Variants in PRKD3 observed in about 807,000 individuals in gnomAD.
PRKD3 encodes serine/threonine-protein kinase D3.
PRKD3 carries 47 observed loss-of-function variants against 99.2 expected under a neutral mutation model. The ratio of observed to expected loss-of-function variants is 0.47; its 90% CI spans 0.38 to 0.60. PRKD3 has a LOEUF of 0.60. PRKD3 is among the 20% of genes least tolerant of loss of function. The pLI is 0.00. For missense variants in PRKD3, 1,019 were observed against 1,088.4 expected (o/e 0.94, Z 0.90); for synonymous variants, 392 against 355.4 (o/e 1.10, Z -1.16).
chr2:37,319,124 T>G (rs999265298), intron 1 of PRKD3, among the ~76,000 whole-genome samples: 2 of 152,148 alleles, frequency 1.3e-5, no homozygotes, highest in African/African-American at 4.8e-5. Context: ...CAGCAACTCA[T>G]TATATGGTTG....
rs556793720 is a variant in PRKD3, at chr2:37,274,782, T to C, written c.1375-85A>G. ...ACACTAAAGAACCAGAGATATGCAT[T>C]TCAATGAATGCCATTAAGACGGACA... On this transcript the variant is annotated intron_variant, in intron 10 of 18. Transcript: ENST00000234179. 2.7e-5 allele frequency: 35 copies of C among 1,274,872 alleles called. No individual in the cohort carries two copies. The East Asian group carries it at 8.0e-4, about 29-fold the overall frequency. The allele number at this position is 1,274,872 out of a possible 1,614,324, so 79.0% of individuals were successfully genotyped here.
chr2:37,252,739 C>T lies in PRKD3; in HGVS notation c.*438G>A, dbSNP rs751222064. The T allele has an allele frequency of 1.3e-5, 2 of 151,456 alleles. No individual in the cohort carries two copies. Among genetic ancestry groups the T allele is most frequent in the South Asian group, 2.1e-4 (1 of 4,824 alleles). The allele number at this position is 151,456 out of a possible 1,614,324, so 9.4% of individuals were successfully genotyped here. A position where few individuals can be genotyped will look rare whatever the true frequency, so the allele number is the denominator to read the frequency against. ...AGTTACCTCTTAAATACAAGCCTGT[C>T]GAGTAATCAATCTTGTAAGTCTTGT... On this transcript the variant is annotated 3_prime_UTR_variant, in exon 19 of 19. Transcript: ENST00000234179.
intron 1 of PRKD3, among the ~76,000 whole-genome samples, chr2:37,322,480 A>G (rs746198311): frequency 2.0e-5 from 3 of 152,228 alleles, no homozygotes. Flanking sequence ...AGAGCACACC[A>G]TATCTGCTCT....
rs1024141161 is a variant in PRKD3, at chr2:37,251,567, T to G, written c.*1610A>C. Reference sequence around the variant, plus strand: ...TTTTTAGTCTAGACAGGAGACTAGCTTCAGGGATGTCGAAAGGCCTTCTCA... The same window carrying G: ...TTTTTAGTCTAGACAGGAGACTAGCGTCAGGGATGTCGAAAGGCCTTCTCA... On this transcript the variant is annotated 3_prime_UTR_variant, in exon 19 of 19. Transcript: ENST00000234179. 1.3e-5 allele frequency: 2 copies of G among 152,472 alleles called. No individual in the cohort carries two copies. The highest frequency in any genetic ancestry group is 6.6e-5 in the Admixed American group (1 of 15,264). The allele number at this position is 152,472 out of a possible 1,614,324, so 9.4% of individuals were successfully genotyped here.
At chr2:37,271,337 C>A (rs530976693) in intron 12 of PRKD3, among the ~76,000 whole-genome samples, 2 of 152,156 alleles carry the variant, frequency 1.3e-5, no homozygotes, top group East Asian at 3.9e-4. Flanking sequence ...AATGACTGGA[C>A]AAATCAAAAT....
At chr2:37,275,050 A>T (rs766185231) in intron 10 of PRKD3, among the ~76,000 whole-genome samples, 1 of 152,206 alleles carries the variant, frequency 6.6e-6, no homozygotes, top group East Asian at 1.9e-4. Context: ...TCTACAAGAT[A>T]TAGCCCCAAA....
At chr2:37,292,942 AG>A (rs1252729870) in intron 3 of PRKD3, 190 bp downstream of exon 3, 1 of 522,010 alleles carries the variant, frequency 1.9e-6, no homozygotes, top group Non-Finnish European at 3.1e-6. Flanking sequence ...CACCGTTGCC[AG>A]GTATTTTTCT....
At chr2:37,300,240 A>G (rs1190039199) in intron 2 of PRKD3, among the ~76,000 whole-genome samples, 2 of 152,326 alleles carry the variant, frequency 1.3e-5, no homozygotes, top group East Asian at 1.9e-4. Flanking sequence ...GAAGTAGAGA[A>G]TAACATTTCA....
rs149045492 is a variant in PRKD3, at chr2:37,305,180, T to C, written c.288+11057A>G. ...ATACAGCTGGGGTGTTCAGTGTACT[T>C]TGGCATAACCTGAAAATTATACCCA... On this transcript the variant is annotated intron_variant, in intron 2 of 18. Transcript: ENST00000234179. Among the ~76,000 whole-genome samples, 68 of 152,296 alleles carry C rather than the reference T, an allele frequency of 4.5e-4. No individual in the cohort carries two copies. The South Asian group carries it at 8.3e-3, about 19-fold the overall frequency.
At position 37,323,599 on chromosome 2, in the gene PRKD3, T is replaced by C. The variant is rs539050253; in HGVS notation, c.-656+1082A>G. ...CTAGATCTCAGTCGGGGGAACTTTA[T>C]GGACGCCTTCTGCAGCAAAGCTAAG... On this transcript the variant is annotated intron_variant, in intron 1 of 18. Transcript: ENST00000234179. Among the ~76,000 whole-genome samples, 29 of 152,224 alleles carry C rather than the reference T, an allele frequency of 1.9e-4. 1 individual carries two copies. The South Asian group carries it at 5.8e-3, about 30-fold the overall frequency.
chr2:37,319,672 A>C (rs971864905), intron 1 of PRKD3, among the ~76,000 whole-genome samples: 3 of 151,952 alleles, frequency 2.0e-5, no homozygotes, highest in African/African-American at 7.2e-5. Flanking sequence ...ACACATCAGC[A>C]TCCGTCTGTA....
chr2:37,324,121 T>A (rs1313420718), intron 1 of PRKD3: 4 of 956,714 alleles, frequency 4.2e-6, no homozygotes, highest in Non-Finnish European at 5.0e-6. Flanking sequence ...CTCGGAACAA[T>A]GCTGCAACTA....
chr2:37,323,644 A>G (rs962049726), intron 1 of PRKD3, among the ~76,000 whole-genome samples: 5 of 152,156 alleles, frequency 3.3e-5, no homozygotes, highest in Non-Finnish European at 5.9e-5. Context: ...AATCGCTAAA[A>G]ATGTAAGAAC....
In PRKD3 at chr2:37,274,674, G is replaced by C; in HGVS notation, c.1398C>G (p.Leu466=). The C allele has an allele frequency of 6.2e-7, 1 of 1,613,454 alleles. No homozygotes were observed. The highest frequency in any genetic ancestry group is 8.5e-7 in the Non-Finnish European group (1 of 1,179,566). ...TGAAATCTCGTGGTGAAGATATGCG[G>C]AGAATTTCTGAAAGTGGAATTTCCT... is the stretch of plus-strand genomic sequence containing the variant. ...YYKEIPLSEI[L]RISSPRDFTN... The change falls in exon 11 of 19, where the codon CTC becomes CTG. Residue 466 remains leucine (L), a synonymous_variant. Coordinates refer to ENST00000234179, the MANE Select transcript of PRKD3 (RefSeq NM_005813.6).
chr2:37,302,902 T>C (rs1448147114), intron 2 of PRKD3, among the ~76,000 whole-genome samples: 1 of 152,148 alleles, frequency 6.6e-6, no homozygotes, highest in East Asian at 1.9e-4. Flanking sequence ...ATGAAAAGCC[T>C]GAAACCCATT....
At chr2:37,290,506 T>C (rs1259534632) in intron 4 of PRKD3, among the ~76,000 whole-genome samples, 2 of 152,178 alleles carry the variant, frequency 1.3e-5, no homozygotes, top group South Asian at 2.1e-4. Context: ...AGTGCTAGGA[T>C]TACAGGTGTG....
chr2:37,254,564 T>G (rs1162141910), intron 17 of PRKD3, among the ~76,000 whole-genome samples: 1 of 152,148 alleles, frequency 6.6e-6, no homozygotes, highest in Non-Finnish European at 1.5e-5. Context: ...AGTCTGGTTC[T>G]GCCACCTACT....
Position 37,263,376 on chromosome 2 carries a change from T to G in PRKD3, c.1885-2992A>C, listed in dbSNP as rs1047390389. The stretch of plus-strand genomic sequence containing the variant: ...AAAGAATACTGTTTATACGACTGCT[T>G]TTTTGAATTAATGAGGCATTCTTTG... On this transcript the variant is annotated intron_variant, in intron 14 of 18. Coordinates refer to ENST00000234179, the MANE Select transcript of PRKD3 (RefSeq NM_005813.6). Among the ~76,000 whole-genome samples the G allele has an allele frequency of 2.0e-5, 3 of 152,362 alleles. No individual in the cohort carries two copies. In the East Asian group the frequency reaches 5.8e-4, roughly 29 times the overall value.
At position 37,269,611 on chromosome 2, in the gene PRKD3, T is replaced by C; in HGVS notation, c.1777+4A>G. ...ACAATATGCAAACGGCTGTAGTTGC[T>C]TACCTCCATAAACGATGCCAAACTG... On this transcript the variant is annotated splice_donor_region_variant and intron_variant, in intron 13 of 18. Transcript: ENST00000234179. 1 of 1,606,602 alleles carries C rather than the reference T, an allele frequency of 6.2e-7. No homozygotes were observed. The highest frequency in any genetic ancestry group is 8.5e-7 in the Non-Finnish European group (1 of 1,173,222).
Sources: allele counts gnomAD v4.1 joint callset (sites outside exome capture counted in the v4.1 genomes callset), GRCh38; gene constraint gnomAD v4.1.1; transcripts MANE v1.5; gene names NCBI Gene and HGNC (gene_info 2026-07-23, HGNC 2026-07-21).